The following DIAPH3 variants were observed in gnomAD, a reference collection of about 807,000 sequenced individuals.
DIAPH3 encodes protein diaphanous homolog 3.
Under a neutral mutation model 144.3 loss-of-function variants are expected in DIAPH3, and 117 were observed. The ratio of observed to expected loss-of-function variants is 0.81; its 90% CI spans 0.70 to 0.95. The LOEUF (loss-of-function observed/expected upper bound fraction) is 0.95. Ranked by LOEUF, DIAPH3 falls within the 40% of genes least tolerant of loss-of-function variation. The pLI, the probability that DIAPH3 is intolerant of heterozygous loss-of-function variation, is 0.00. For synonymous variants in DIAPH3, 519 were observed against 488.9 expected (o/e 1.06, Z -0.81); for missense variants, 1,421 against 1,412.7 (o/e 1.01, Z -0.09).
chr13:59,802,373 G>A (rs937386370), intron 25 of DIAPH3, among the ~76,000 whole-genome samples: 4 of 151,694 alleles, frequency 2.6e-5, no homozygotes, highest in Non-Finnish European at 4.4e-5. Context: ...TATGCCTAAA[G>A]ATTAAGTTTT....
chr13:59,961,443 G>C (rs1198459438), intron 17 of DIAPH3, among the ~76,000 whole-genome samples: 1 of 152,148 alleles, frequency 6.6e-6, no homozygotes, highest in African/African-American at 2.4e-5. Flanking sequence ...TACACAGCAT[G>C]GTGTTAGTAT....
At chr13:59,861,986 C>T (rs2043621425) in intron 21 of DIAPH3, among the ~76,000 whole-genome samples, 1 of 152,142 alleles carries the variant, frequency 6.6e-6, no homozygotes, top group South Asian at 2.1e-4. Context: ...ACGTATTTGC[C>T]TTGGTGTGAC....
chr13:59,924,019 G>T (rs1252569568), intron 18 of DIAPH3, among the ~76,000 whole-genome samples: 1 of 152,028 alleles, frequency 6.6e-6, no homozygotes, highest in Non-Finnish European at 1.5e-5. Context: ...AATTGAGGGA[G>T]ACTAAAAACC....
intron 24 of DIAPH3, among the ~76,000 whole-genome samples, chr13:59,825,334 A>T (rs368827901): frequency 6.6e-6 from 1 of 151,982 alleles, no homozygotes; most frequent in South Asian, 2.1e-4. Context: ...ATGATTTCCA[A>T]TTTCATCCAT....
intron 4 of DIAPH3, among the ~76,000 whole-genome samples, chr13:60,060,920 G>GT (rs2056744719): frequency 6.6e-6 from 1 of 151,954 alleles, no homozygotes; most frequent in African/African-American, 2.4e-5. Flanking sequence ...AAATAACCAT[G>GT]TAAGTATCTA....
chr13:59,870,684 A>ATTTG (rs2044207677), intron 21 of DIAPH3, among the ~76,000 whole-genome samples: 1 of 146,448 alleles, frequency 6.8e-6, no homozygotes, highest in African/African-American at 2.5e-5. Context: ...TTTTTTTTAA[A>ATTTG]TTTGAGATGG....
At chr13:59,834,710 C>T (rs369200559) in intron 23 of DIAPH3, among the ~76,000 whole-genome samples, 96 of 151,824 alleles carry the variant, frequency 6.3e-4, no homozygotes, top group African/African-American at 2.0e-3. Flanking sequence ...AACTGTTAAA[C>T]TCCAACTTCT....
chr13:59,842,377 G>C (rs1442804397), intron 22 of DIAPH3, among the ~76,000 whole-genome samples: 1 of 152,104 alleles, frequency 6.6e-6, no homozygotes, highest in Non-Finnish European at 1.5e-5. Flanking sequence ...TCCCATATGA[G>C]AAAAAGCACA....
chr13:59,870,304 C>T (rs549277988), intron 21 of DIAPH3, among the ~76,000 whole-genome samples: 4 of 152,074 alleles, frequency 2.6e-5, no homozygotes, highest in Non-Finnish European at 4.4e-5. Flanking sequence ...GGTCTCTATT[C>T]CAGTCCATTA....
intron 27 of DIAPH3, among the ~76,000 whole-genome samples, chr13:59,670,706 C>G (rs1481474304): frequency 6.6e-6 from 1 of 151,914 alleles, no homozygotes; most frequent in African/African-American, 2.4e-5. Context: ...CCTCAGCCTC[C>G]CGAGTAGCTG....
At chr13:59,756,444 AGAAGGAAG>A (rs921922529) in intron 27 of DIAPH3, among the ~76,000 whole-genome samples, 5 of 122,758 alleles carry the variant, frequency 4.1e-5, no homozygotes, top group Admixed American at 3.4e-4. Flanking sequence ...AAGGAAGGAA[AGAAGGAAG>A]GAAGGAAGGA....
At chr13:59,928,944 G>A (rs185724334) in intron 17 of DIAPH3, among the ~76,000 whole-genome samples, 46 of 152,284 alleles carry the variant, frequency 3.0e-4, no homozygotes, top group African/African-American at 8.9e-4. Flanking sequence ...TGGAGGTGGC[G>A]AGGTCGCTAT....
intron 20 of DIAPH3, among the ~76,000 whole-genome samples, chr13:59,888,790 A>T (rs930634239): frequency 9.2e-5 from 14 of 152,044 alleles, no homozygotes; most frequent in Admixed American, 2.0e-4. Context: ...AAACTCTTTC[A>T]GCTTTTATAA....
At chr13:59,926,120 G>A (rs1247303628) in intron 17 of DIAPH3, among the ~76,000 whole-genome samples, 1 of 151,230 alleles carries the variant, frequency 6.6e-6, no homozygotes, top group Non-Finnish European at 1.5e-5. Flanking sequence ...CGTGTAACTG[G>A]GACTACAGAT....
At chr13:59,769,943 T>C (rs1593803060) in intron 27 of DIAPH3, among the ~76,000 whole-genome samples, 1 of 152,072 alleles carries the variant, frequency 6.6e-6, no homozygotes, top group East Asian at 1.9e-4. Context: ...ATAAAGAAAA[T>C]AGATAATGCC....
chr13:59,850,195 C>T (rs1399134431), intron 22 of DIAPH3, among the ~76,000 whole-genome samples: 9 of 152,106 alleles, frequency 5.9e-5, no homozygotes, highest in Admixed American at 5.9e-4. Context: ...GCTGAAGTTG[C>T]TTCTCAGCTT....
Position 59,812,268 on chromosome 13 carries a change from C to CCATT in DIAPH3, c.3028-1346_3028-1345insAATG, listed in dbSNP as rs1472872658. The stretch of plus-strand genomic sequence containing the variant: ...TGCATGCATCCATCCATCCATCCAT[C>CCATT]CATCCATCCATCCATCCATCCATCC... On this transcript the variant is annotated intron_variant, in intron 24 of 27. Coordinates refer to ENST00000400324, the MANE Select transcript of DIAPH3 (RefSeq NM_001042517.2). Among the ~76,000 whole-genome samples, 315 of 150,992 alleles carry CCATT rather than the reference C, an allele frequency of 2.1e-3. 4 individuals carry two copies. The highest frequency in any genetic ancestry group is 7.2e-3 in the African/African-American group (296 of 41,222).
chr13:59,779,572 C>T (rs911949605), intron 25 of DIAPH3, among the ~76,000 whole-genome samples: 2 of 150,650 alleles, frequency 1.3e-5, no homozygotes, highest in African/African-American at 2.4e-5. Context: ...AGTGCAGTGG[C>T]ATGATCTCAG....
chr13:59,760,317 C>G (rs1389719446), intron 27 of DIAPH3, among the ~76,000 whole-genome samples: 1 of 152,162 alleles, frequency 6.6e-6, no homozygotes, highest in Non-Finnish European at 1.5e-5. Flanking sequence ...TAAAATAGCA[C>G]TTTGGATTTA....
Sources: allele counts gnomAD v4.1 joint callset (sites outside exome capture counted in the v4.1 genomes callset), GRCh38; gene constraint gnomAD v4.1.1; transcripts MANE v1.5; gene names NCBI Gene and HGNC (gene_info 2026-07-23, HGNC 2026-07-21).